NPEPPS: variants seen among roughly 807,000 people sequenced by gnomAD.
NPEPPS encodes aminopeptidase puromycin sensitive, also known as puromycin-sensitive aminopeptidase.
Under a neutral mutation model 115.5 loss-of-function variants are expected in NPEPPS, and 14 were observed. The observed-to-expected ratio is 0.12, with a 90% CI of 0.08 to 0.19. The LOEUF (loss-of-function observed/expected upper bound fraction) is 0.19. NPEPPS is among the 10% of genes least tolerant of loss of function. NPEPPS has a pLI of 1.00. For missense variants in NPEPPS, 523 were observed against 1,110.8 expected (o/e 0.47, Z 7.52); for synonymous variants, 285 against 390.6 (o/e 0.73, Z 3.19).
rs1597901020 is a variant in NPEPPS at position 47,619,633 on chromosome 17, C to A, written c.2560-104C>A. ...ATCTCCCATCACACATCCTTTATAA[C>A]AGACTGAAGTTGGCAGAGAACAGAA... On this transcript the variant is annotated intron_variant, in intron 21 of 22. Transcript: ENST00000322157. The A allele has an allele frequency of 6.6e-6, 6 of 914,260 alleles. No individual in the cohort carries two copies. The African/African-American group carries it at 6.6e-5, about 10-fold the overall frequency. 56.6% of individuals were successfully genotyped at this position (914,260 alleles called of 1,614,324 possible).
chr17:47,596,366 A>C lies in NPEPPS; in HGVS notation c.1440A>C (p.Glu480Asp), dbSNP rs772025328. The C allele has an allele frequency of 3.8e-6, 6 of 1,573,714 alleles. No homozygotes were observed. In the Admixed American group the frequency reaches 1.1e-4, roughly 29 times the overall value. The change falls in exon 13 of 23, where the codon GAA (glutamate) becomes GAC (aspartate). Residue 480 changes from glutamate (E) to aspartate (D), a missense_variant. Coordinates refer to ENST00000322157, the MANE Select transcript of NPEPPS (RefSeq NM_006310.4). ...QKNAATEDLW[E>D]SLENASGKPI... is the part of the protein sequence containing the mutation. ...TTTATCTTCTAGAGGATCTCTGGGAAAGTTTAGAAAATGCTAGTGGTAAAC... is the reference window on the plus strand; with the variant it reads ...TTTATCTTCTAGAGGATCTCTGGGACAGTTTAGAAAATGCTAGTGGTAAAC...
At chr17:47,598,590 C>T (rs1913013810) in intron 13 of NPEPPS, among the ~76,000 whole-genome samples, 1 of 152,094 alleles carries the variant, frequency 6.6e-6, no homozygotes, top group Non-Finnish European at 1.5e-5. Context: ...CAAGATGCTG[C>T]CTCTACCAAA....
At position 47,531,159 on chromosome 17, in the gene NPEPPS, C is replaced by G. The variant is rs1276033823; in HGVS notation, c.-142C>G. On this transcript the variant is annotated 5_prime_UTR_variant, in exon 1 of 23. Coordinates refer to ENST00000322157, the MANE Select transcript of NPEPPS (RefSeq NM_006310.4). ...GGGCCCTCCTCCCCTTCCCTCCCCTCCGCCCCCTTCCCCGTAGGCAGCCCG... is the reference window on the plus strand; with the variant it reads ...GGGCCCTCCTCCCCTTCCCTCCCCTGCGCCCCCTTCCCCGTAGGCAGCCCG... 2 of 914,420 alleles carry G rather than the reference C, an allele frequency of 2.2e-6. No homozygotes were observed. Among genetic ancestry groups the G allele is most frequent in the African/African-American group, 3.7e-5 (2 of 53,756 alleles). The allele number at this position is 914,420 out of a possible 1,614,324, so 56.6% of individuals were successfully genotyped here.
intron 2 of NPEPPS, among the ~76,000 whole-genome samples, chr17:47,558,386 C>T (rs568659511): frequency 6.8e-6 from 1 of 147,830 alleles, no homozygotes; most frequent in South Asian, 2.1e-4. Flanking sequence ...GCCTCAGCCT[C>T]CAAAGTGGTG....
intron 15 of NPEPPS, chr17:47,602,046 C>G (rs554242034): frequency 4.3e-4 from 123 of 284,146 alleles, no homozygotes; most frequent in African/African-American, 2.8e-3. Flanking sequence ...TTCAAACTCC[C>G]CTGTCATTGT....
chr17:47,540,270 C>G (rs1463390469), intron 1 of NPEPPS, among the ~76,000 whole-genome samples: 4 of 151,846 alleles, frequency 2.6e-5, no homozygotes, highest in African/African-American at 9.7e-5. Context: ...TTAATAACAT[C>G]AAGTAGAAAA....
chr17:47,557,135 G>A (rs749770745), intron 2 of NPEPPS, among the ~76,000 whole-genome samples: 11 of 152,072 alleles, frequency 7.2e-5, no homozygotes, highest in Non-Finnish European at 1.2e-4. Context: ...CTGGAGTGCA[G>A]TGACGTGATC....
At chr17:47,523,628 C>T (rs1330012153) in intron 1 of NPEPPS, among the ~76,000 whole-genome samples, 14 of 152,104 alleles carry the variant, frequency 9.2e-5, no homozygotes, top group Admixed American at 4.6e-4. Flanking sequence ...TCACCATGTT[C>T]GCCAGGCTAG....
intron 2 of NPEPPS, among the ~76,000 whole-genome samples, chr17:47,559,315 T>TACAG (rs1910275047): frequency 3.9e-5 from 6 of 152,206 alleles, no homozygotes; most frequent in Admixed American, 3.9e-4. Context: ...GTGTTGGGAT[T>TACAG]ACAGGCATGA....
At chr17:47,566,153 A>C (rs1910798599) in intron 2 of NPEPPS, among the ~76,000 whole-genome samples, 2 of 152,098 alleles carry the variant, frequency 1.3e-5, no homozygotes, top group Non-Finnish European at 2.9e-5. Flanking sequence ...GTCACCACGT[A>C]TGACTAATTT....
intron 2 of NPEPPS, among the ~76,000 whole-genome samples, chr17:47,552,676 G>T (rs866635740): frequency 6.6e-6 from 1 of 152,146 alleles, no homozygotes; most frequent in African/African-American, 2.4e-5. Flanking sequence ...TTTAGTGACT[G>T]CTGTTTTAGG....
chr17:47,583,209 T>G (rs1023290728), intron 5 of NPEPPS, among the ~76,000 whole-genome samples: 3 of 152,124 alleles, frequency 2.0e-5, no homozygotes, highest in Non-Finnish European at 2.9e-5. Flanking sequence ...AATTCCTCGT[T>G]AAATACATTT....
At chr17:47,605,983 T>C (rs1042831942) in intron 17 of NPEPPS, among the ~76,000 whole-genome samples, 1 of 152,170 alleles carries the variant, frequency 6.6e-6, no homozygotes. Flanking sequence ...GTTCAAGTGA[T>C]TCTCCTGCCT....
At chr17:47,541,672 G>A (rs565758066) in intron 1 of NPEPPS, among the ~76,000 whole-genome samples, 3 of 152,286 alleles carry the variant, frequency 2.0e-5, no homozygotes, top group African/African-American at 7.2e-5. Context: ...GTCGTGCCCA[G>A]CCATGTTTCT....
At chr17:47,564,618 TATTC>T (rs1234582879) in intron 2 of NPEPPS, among the ~76,000 whole-genome samples, 7 of 149,552 alleles carry the variant, frequency 4.7e-5, no homozygotes, top group African/African-American at 1.5e-4. Flanking sequence ...GTGAATGAAT[TATTC>T]ATTTATCATA....
rs773110580 is a variant in NPEPPS at position 47,579,370 on chromosome 17, T to C, written c.419-20T>C. The C allele has an allele frequency of 8.9e-6, 14 of 1,576,452 alleles. No individual in the cohort carries two copies. Among genetic ancestry groups the C allele is most frequent in the Non-Finnish European group, 1.1e-5 (13 of 1,164,006 alleles). On this transcript the variant is annotated intron_variant, in intron 3 of 22. Coordinates refer to ENST00000322157, the MANE Select transcript of NPEPPS (RefSeq NM_006310.4). ...TTTAACATCTCCATAAAAGTGTTTT[T>C]TATTTATCTTCAATCACAGGTACGG...
intron 2 of NPEPPS, among the ~76,000 whole-genome samples, chr17:47,558,739 A>C (rs1232516421): frequency 6.6e-6 from 1 of 151,996 alleles, no homozygotes; most frequent in African/African-American, 2.4e-5. Context: ...TTTTTTGTTA[A>C]GATAGGGTCT....
chr17:47,568,313 G>A (rs1286760482), intron 2 of NPEPPS, among the ~76,000 whole-genome samples: 2 of 152,112 alleles, frequency 1.3e-5, no homozygotes, highest in Non-Finnish European at 2.9e-5. Context: ...TGGGATTAGA[G>A]GCGTTTGCCA....
upstream of NPEPPS, among the ~76,000 whole-genome samples, chr17:47,529,283 G>C (rs1234339577): frequency 6.6e-6 from 1 of 151,598 alleles, no homozygotes; most frequent in African/African-American, 2.4e-5. Context: ...CTGTCATCTG[G>C]AGTGCAGTGG....
Sources: allele counts gnomAD v4.1 joint callset (sites outside exome capture counted in the v4.1 genomes callset), GRCh38; gene constraint gnomAD v4.1.1; transcripts MANE v1.5; gene names NCBI Gene and HGNC (gene_info 2026-07-23, HGNC 2026-07-21).